Variants in TRAM1 observed in about 807,000 individuals in gnomAD.
TRAM1 encodes translocating chain-associated membrane protein 1.
Under a neutral mutation model 48.7 loss-of-function variants are expected in TRAM1, and 17 were observed. The ratio of observed to expected loss-of-function variants is 0.35; its 90% CI spans 0.24 to 0.52. TRAM1 has a LOEUF of 0.52. Ranked by LOEUF, TRAM1 falls within the 20% of genes least tolerant of loss-of-function variation. The pLI is 0.94. For missense variants in TRAM1, 351 were observed against 441.5 expected, an observed-to-expected ratio of 0.79 and a Z score of 1.84; for synonymous variants, 182 against 154.0, an observed-to-expected ratio of 1.18 and a Z score of -1.34.
chr8:70,583,611 T>C, intron 9 of TRAM1, 39 bp downstream of exon 9: 1 of 1,594,180 alleles, frequency 6.3e-7, no homozygotes, highest in Non-Finnish European at 8.5e-7. Flanking sequence ...ATATATTATC[T>C]AGCTGTATAA....
At chr8:70,575,051 G>C (rs768842289) in intron 10 of TRAM1, 46 bp from the exon 11 acceptor site, 11 of 1,364,732 alleles carry the variant, frequency 8.1e-6, no homozygotes, top group Non-Finnish European at 1.1e-5. Flanking sequence ...ATAAATAAAT[G>C]CAAGTTATAA....
At chr8:70,596,038 A>C (rs1817479415) in intron 5 of TRAM1, among the ~76,000 whole-genome samples, 1 of 152,196 alleles carries the variant, frequency 6.6e-6, no homozygotes, top group Non-Finnish European at 1.5e-5. Context: ...TTATGTTAAA[A>C]TCAGTTGTCT....
chr8:70,595,416 T>C (rs771703862), intron 5 of TRAM1, among the ~76,000 whole-genome samples: 3 of 152,182 alleles, frequency 2.0e-5, no homozygotes, highest in Non-Finnish European at 2.9e-5. Context: ...TGGGTATTAC[T>C]GCTAGACTTA....
intron 10 of TRAM1, among the ~76,000 whole-genome samples, chr8:70,575,405 C>T (rs1458956492): frequency 1.3e-5 from 2 of 151,984 alleles, no homozygotes; most frequent in Admixed American, 6.6e-5. Context: ...GTATTATGGC[C>T]TTCTTTTTAT....
intron 1 of TRAM1, chr8:70,606,960 C>T: frequency 1.0e-6 from 1 of 978,688 alleles, no homozygotes; most frequent in Non-Finnish European, 1.2e-6. Flanking sequence ...ACTCCTATGT[C>T]CCAGGCACTA....
intron 1 of TRAM1, among the ~76,000 whole-genome samples, chr8:70,600,488 G>A (rs905540922): frequency 2.3e-4 from 35 of 152,134 alleles, no homozygotes; most frequent in Non-Finnish European, 1.0e-4. Flanking sequence ...CAAATATAGG[G>A]TCTGTGGTGT....
intron 6 of TRAM1, among the ~76,000 whole-genome samples, chr8:70,592,824 T>C (rs1382942047): frequency 6.6e-6 from 1 of 152,254 alleles, no homozygotes; most frequent in African/African-American, 2.4e-5. Flanking sequence ...AAATGTTCCA[T>C]ATCTCCTCTG....
chr8:70,587,427 G>A (rs1563384034), intron 6 of TRAM1: 4 of 410,226 alleles, frequency 9.8e-6, no homozygotes, highest in Non-Finnish European at 1.8e-5. Context: ...CCACCCCACC[G>A]CAATCTCTCA....
chr8:70,602,073 A>T (rs796979370), intron 1 of TRAM1, among the ~76,000 whole-genome samples: 7 of 152,358 alleles, frequency 4.6e-5, no homozygotes, highest in African/African-American at 1.7e-4. Context: ...GAGACAGAGA[A>T]AGAAATAAAA....
chr8:70,607,107 G>GA (rs1411112473), intron 1 of TRAM1: 2 of 977,018 alleles, frequency 2.0e-6, no homozygotes, highest in East Asian at 1.1e-4. Flanking sequence ...AGGCTCCAGA[G>GA]AAAAATTAAA....
chr8:70,580,202 C>T (rs1415592802), intron 10 of TRAM1, among the ~76,000 whole-genome samples: 1 of 152,130 alleles, frequency 6.6e-6, no homozygotes, highest in Non-Finnish European at 1.5e-5. Context: ...CCAGTTCATT[C>T]TATGAAGCCA....
chr8:70,583,719 AAACC>A lies in TRAM1; in HGVS notation c.817_820del (p.Gly273LeufsTer21), dbSNP rs768889679. The A allele has an allele frequency of 6.2e-7, 1 of 1,613,294 alleles. No homozygotes were observed. The highest frequency in any genetic ancestry group is 1.1e-5 in the South Asian group (1 of 90,956). On this transcript the variant is annotated frameshift_variant, in exon 9 of 11. Transcript: ENST00000262213. LOFTEE classifies it high-confidence loss of function. ...CTGATTTTCTGCTCTTGCAAGGCCA[AAACC>A]AACAGTCAGTACTGAAAGAATTAAA...
At chr8:70,591,312 GCTA>G (rs1168236332) in intron 6 of TRAM1, among the ~76,000 whole-genome samples, 1 of 152,098 alleles carries the variant, frequency 6.6e-6, no homozygotes, top group Non-Finnish European at 1.5e-5. Flanking sequence ...CTAGAAAATG[GCTA>G]CTTTTTAGTA....
chr8:70,607,345 T>C (rs1817760692), intron 1 of TRAM1: 1 of 985,428 alleles, frequency 1.0e-6, no homozygotes, highest in South Asian at 4.7e-5. Flanking sequence ...GTTCAGAACC[T>C]CGATTTATCC....
In TRAM1 at chr8:70,608,247, C is replaced by T. The variant is rs1320476320; in HGVS notation, c.-48G>A. On this transcript the variant is annotated 5_prime_UTR_variant, in exon 1 of 11. Transcript: ENST00000262213. ...GCAGGTGCTCCGCCCCGGTTCTGCTCTTCCCAGCTGCTCACCGACTCGCCG... is the reference window on the plus strand; with the variant it reads ...GCAGGTGCTCCGCCCCGGTTCTGCTTTTCCCAGCTGCTCACCGACTCGCCG... The T allele has an allele frequency of 1.9e-6, 3 of 1,541,210 alleles. No homozygotes were observed. The highest frequency in any genetic ancestry group is 5.2e-5 in the East Asian group (2 of 38,520).
intron 1 of TRAM1, 30 bp from the exon 2 acceptor site, chr8:70,600,112 CA>C: frequency 6.3e-7 from 1 of 1,579,116 alleles, no homozygotes; most frequent in Non-Finnish European, 8.7e-7. Flanking sequence ...AAGATCAAGT[CA>C]ATTTGTGACC....
chr8:70,589,338 G>A (rs1380000882), intron 6 of TRAM1, among the ~76,000 whole-genome samples: 1 of 152,146 alleles, frequency 6.6e-6, no homozygotes, highest in Non-Finnish European at 1.5e-5. Flanking sequence ...AAAGGGTGTT[G>A]AGATAACATG....
chr8:70,584,911 C>A (rs572380173), intron 8 of TRAM1, among the ~76,000 whole-genome samples: 63 of 152,240 alleles, frequency 4.1e-4, no homozygotes, highest in African/African-American at 1.5e-3. Flanking sequence ...ACTTTCTTCA[C>A]AGAATTGGAA....
chr8:70,606,907 G>T (rs1226327090), intron 1 of TRAM1: 3 of 984,346 alleles, frequency 3.0e-6, no homozygotes, highest in Non-Finnish European at 3.6e-6. Flanking sequence ...CATTCCATTA[G>T]GTTTTCTCAA....
Sources: allele counts gnomAD v4.1 joint callset (sites outside exome capture counted in the v4.1 genomes callset), GRCh38; gene constraint gnomAD v4.1.1; transcripts MANE v1.5; gene names NCBI Gene and HGNC (gene_info 2026-07-23, HGNC 2026-07-21).